Variants in VEGFC observed in about 807,000 individuals in gnomAD.
VEGFC encodes the protein FLT4 ligand DHM.
A neutral mutation model predicts 46.1 loss-of-function variants in VEGFC; 12 were observed. The ratio of observed to expected loss-of-function variants is 0.26; its 90% CI spans 0.17 to 0.42. The LOEUF (loss-of-function observed/expected upper bound fraction) is 0.42. Among genes scored for constraint, VEGFC ranks in the 10% least tolerant of loss-of-function variants. VEGFC has a pLI of 1.00. For synonymous variants in VEGFC, 232 were observed against 195.5 expected, an observed-to-expected ratio of 1.19 and a Z score of -1.56; for missense variants, 488 against 529.4, an observed-to-expected ratio of 0.92 and a Z score of 0.77.
rs1303817255 is a variant in VEGFC, at chr4:176,740,375, TA to T, written c.148-10630del. 2.4e-5 allele frequency among the ~76,000 whole-genome samples: 3 copies of T among 122,722 alleles called. 1 individual carries two copies. Among genetic ancestry groups the T allele is most frequent in the Non-Finnish European group, 4.8e-5 (3 of 62,612 alleles). The allele number at this position is 122,722 out of a possible 152,430, so 80.5% of individuals were successfully genotyped here. ...TATATAGTTATATATATTCTATATA[TA>T]GTTATATATAACTATATATTTATAT... On this transcript the variant is annotated intron_variant, in intron 1 of 6. Coordinates refer to ENST00000618562, the MANE Select transcript of VEGFC (RefSeq NM_005429.5).
intron 6 of VEGFC, among the ~76,000 whole-genome samples, chr4:176,686,168 C>T (rs1440722438): frequency 6.6e-6 from 1 of 152,040 alleles, no homozygotes; most frequent in Non-Finnish European, 1.5e-5. Flanking sequence ...AAGAGGTGAG[C>T]TTAAAGAAAA....
chr4:176,713,080 A>G (rs543637200), intron 3 of VEGFC, among the ~76,000 whole-genome samples: 1 of 152,324 alleles, frequency 6.6e-6, no homozygotes, highest in Non-Finnish European at 1.5e-5. Context: ...TACATAAACT[A>G]AATGAATCTG....
chr4:176,768,887 G>A (rs1735677460), intron 1 of VEGFC, among the ~76,000 whole-genome samples: 1 of 151,900 alleles, frequency 6.6e-6, no homozygotes, highest in African/African-American at 2.4e-5. Flanking sequence ...CCTCTTTCCT[G>A]TCTTCTGCCA....
At chr4:176,701,372 T>C (rs1172382825) in intron 4 of VEGFC, among the ~76,000 whole-genome samples, 1 of 152,222 alleles carries the variant, frequency 6.6e-6, no homozygotes, top group East Asian at 1.9e-4. Flanking sequence ...ATCTTTGATC[T>C]AATAGCCCCC....
At chr4:176,721,354 G>C (rs1425086585) in intron 3 of VEGFC, among the ~76,000 whole-genome samples, 1 of 152,144 alleles carries the variant, frequency 6.6e-6, no homozygotes, top group Non-Finnish European at 1.5e-5. Flanking sequence ...CACACTAGTT[G>C]AATGCTGGCT....
intron 4 of VEGFC, among the ~76,000 whole-genome samples, chr4:176,695,467 T>G (rs1488197698): frequency 4.8e-4 from 69 of 145,028 alleles, no homozygotes; most frequent in East Asian, 1.7e-3. Flanking sequence ...TAACAGGATC[T>G]GAAATTGTGG....
At chr4:176,767,354 G>GA (rs2110920863) in intron 1 of VEGFC, among the ~76,000 whole-genome samples, 1 of 152,228 alleles carries the variant, frequency 6.6e-6, no homozygotes, top group South Asian at 2.1e-4. Flanking sequence ...GGGATGTGAA[G>GA]AAAAAATAGG....
intron 3 of VEGFC, among the ~76,000 whole-genome samples, chr4:176,727,330 A>G (rs1177129370): frequency 6.6e-6 from 1 of 152,186 alleles, no homozygotes; most frequent in East Asian, 1.9e-4. Flanking sequence ...GCTTATTTCA[A>G]TACTATACCA....
At chr4:176,778,509 G>A (rs966288164) in intron 1 of VEGFC, among the ~76,000 whole-genome samples, 1 of 152,080 alleles carries the variant, frequency 6.6e-6, no homozygotes, top group African/African-American at 2.4e-5. Context: ...CCAGCCAGAG[G>A]CCAGAAATCC....
At chr4:176,740,509 CTATA>C (rs1279271046) in intron 1 of VEGFC, among the ~76,000 whole-genome samples, 4 of 51,452 alleles carry the variant, frequency 7.8e-5, no homozygotes, top group African/African-American at 9.3e-5. Context: ...ACTATATATT[CTATA>C]TATAGAGAGT....
chr4:176,712,204 AATTG>A (rs1282915732), intron 3 of VEGFC, among the ~76,000 whole-genome samples: 2 of 152,132 alleles, frequency 1.3e-5, no homozygotes, highest in Non-Finnish European at 2.9e-5. Context: ...ATCTCTTATA[AATTG>A]ATTATGTTTA....
intron 4 of VEGFC, among the ~76,000 whole-genome samples, chr4:176,693,588 C>G (rs1362275166): frequency 6.9e-6 from 1 of 145,740 alleles, no homozygotes; most frequent in Non-Finnish European, 1.5e-5. Context: ...CCCAATCTAG[C>G]AAGGCAGGCC....
At chr4:176,763,354 T>C (rs921581430) in intron 1 of VEGFC, among the ~76,000 whole-genome samples, 1 of 78,586 alleles carries the variant, frequency 1.3e-5, no homozygotes, top group African/African-American at 3.9e-5. Context: ...TAAGAGAAAA[T>C]GAAAAAAAAC....
chr4:176,735,925 CCTT>C (rs1254778838), intron 1 of VEGFC, among the ~76,000 whole-genome samples: 2 of 151,758 alleles, frequency 1.3e-5, no homozygotes, highest in African/African-American at 4.8e-5. Context: ...ATTTAAATAG[CCTT>C]CTATAATATC....
chr4:176,787,531 G>A lies in VEGFC; in HGVS notation c.147+4634C>T, dbSNP rs6819421. Among the ~76,000 whole-genome samples, 1,271 of 150,780 alleles carry A rather than the reference G, an allele frequency of 8.4e-3. 16 individuals carry two copies. Among genetic ancestry groups the A allele is most frequent in the African/African-American group, 0.029 (1,206 of 41,160 alleles). On this transcript the variant is annotated intron_variant, in intron 1 of 6. Transcript: ENST00000618562. ...TTTCAAAATTGGAAAAAAAACTATC[G>A]TGGATAACTCCTAACACCTGAAAGC...
chr4:176,699,879 A>G (rs1046201627), intron 4 of VEGFC, among the ~76,000 whole-genome samples: 1 of 152,118 alleles, frequency 6.6e-6, no homozygotes, highest in Non-Finnish European at 1.5e-5. Flanking sequence ...AAACACATAG[A>G]CTTATCTTCT....
At chr4:176,739,755 T>G (rs1347417286) in intron 1 of VEGFC, among the ~76,000 whole-genome samples, 1 of 150,908 alleles carries the variant, frequency 6.6e-6, no homozygotes, top group African/African-American at 2.4e-5. Flanking sequence ...AACTTAAAAG[T>G]TGAAGAAAAG....
At chr4:176,693,472 C>G (rs1734248310) in intron 4 of VEGFC, among the ~76,000 whole-genome samples, 1 of 140,536 alleles carries the variant, frequency 7.1e-6, no homozygotes, top group Admixed American at 7.1e-5. Context: ...AAATATGGGA[C>G]TATGTGAAAA....
At chr4:176,789,520 T>C (rs1736054423) in intron 1 of VEGFC, among the ~76,000 whole-genome samples, 1 of 152,228 alleles carries the variant, frequency 6.6e-6, no homozygotes, top group Admixed American at 6.5e-5. Flanking sequence ...AGAGTAGATG[T>C]TGACAAACAT....
Sources: allele counts gnomAD v4.1 joint callset (sites outside exome capture counted in the v4.1 genomes callset), GRCh38; gene constraint gnomAD v4.1.1; transcripts MANE v1.5; gene names NCBI Gene and HGNC (gene_info 2026-07-23, HGNC 2026-07-21).